Variants in RPS6KC1 observed in about 807,000 individuals in gnomAD.
RPS6KC1 encodes the protein inactive ribosomal protein S6 kinase delta-1.
Under a neutral mutation model 103.8 loss-of-function variants are expected in RPS6KC1, and 54 were observed. The ratio of observed to expected loss-of-function variants is 0.52; its 90% CI spans 0.42 to 0.65. The LOEUF (loss-of-function observed/expected upper bound fraction) is 0.65, where lower values mean the gene tolerates loss of function less well. Ranked by LOEUF, RPS6KC1 falls within the 30% of genes least tolerant of loss-of-function variation. The probability of loss-of-function intolerance (pLI) is 0.00; values close to 1 mark genes in which losing one functional copy is unlikely to be tolerated. For synonymous variants in RPS6KC1, 439 were observed against 438.7 expected, an observed-to-expected ratio of 1.00 and a Z score of -0.01; for missense variants, 1,151 against 1,253.8, an observed-to-expected ratio of 0.92 and a Z score of 1.24.
At chr1:213,243,100 A>G (rs886465536) in intron 12 of RPS6KC1, among the ~76,000 whole-genome samples, 1 of 151,964 alleles carries the variant, frequency 6.6e-6, no homozygotes, top group African/African-American at 2.4e-5. Flanking sequence ...GGGCTCAGGC[A>G]GTCCTGTTGC....
At chr1:213,545,411 T>TAAATAAAATAAAATA in the RPS6KC1 span, among the ~76,000 whole-genome samples, 3 of 75,296 alleles carry the variant, frequency 4.0e-5, no homozygotes, top group African/African-American at 1.2e-4. Context: ...AATAAATAAA[T>TAAATAAAATAAAATA]AAATAAAATA....
At chr1:213,397,313 C>A in the RPS6KC1 span, among the ~76,000 whole-genome samples, 1 of 152,016 alleles carries the variant, frequency 6.6e-6, no homozygotes, top group Non-Finnish European at 1.5e-5. Context: ...ATTCTGCTTT[C>A]TTTTTTAAAA....
chr1:213,724,616 T>A, the RPS6KC1 span, among the ~76,000 whole-genome samples: 1 of 152,184 alleles, frequency 6.6e-6, no homozygotes, highest in African/African-American at 2.4e-5. Flanking sequence ...CCTGACAGTT[T>A]GAGCCAGGTA....
chr1:213,646,076 GCATAA>G, the RPS6KC1 span, among the ~76,000 whole-genome samples: 1 of 152,198 alleles, frequency 6.6e-6, no homozygotes, highest in Non-Finnish European at 1.5e-5. Flanking sequence ...AGCGTGTAAA[GCATAA>G]CATAAAATGT....
chr1:213,474,021 C>T, the RPS6KC1 span, among the ~76,000 whole-genome samples: 2 of 152,318 alleles, frequency 1.3e-5, no homozygotes, highest in East Asian at 1.9e-4. Flanking sequence ...TTCCCTCTCT[C>T]TCCTTAAGGA....
chr1:213,280,371 A>G, the RPS6KC1 span, among the ~76,000 whole-genome samples: 1 of 152,224 alleles, frequency 6.6e-6, no homozygotes, highest in African/African-American at 2.4e-5. Context: ...AATTATAGTT[A>G]TAATTCCTTT....
chr1:213,650,726 T>C, the RPS6KC1 span, among the ~76,000 whole-genome samples: 3 of 152,100 alleles, frequency 2.0e-5, no homozygotes, highest in Non-Finnish European at 4.4e-5. Context: ...CCCCACCCCA[T>C]TCCATTTTTG....
At chr1:213,665,326 G>A in the RPS6KC1 span, among the ~76,000 whole-genome samples, 2 of 151,620 alleles carry the variant, frequency 1.3e-5, no homozygotes, top group Non-Finnish European at 2.9e-5. Flanking sequence ...ATTCAAATAA[G>A]CAATAAGGGA....
chr1:213,779,268 A>G, the RPS6KC1 span, among the ~76,000 whole-genome samples: 1 of 152,172 alleles, frequency 6.6e-6, no homozygotes, highest in Middle Eastern at 3.2e-3. Context: ...GAACACCTGG[A>G]GGAAAAACAA....
the RPS6KC1 span, among the ~76,000 whole-genome samples, chr1:213,754,974 C>G: frequency 6.6e-6 from 1 of 152,140 alleles, no homozygotes; most frequent in African/African-American, 2.4e-5. Context: ...ACTTTTTAAG[C>G]CACAGTGCAA....
chr1:213,802,301 A>G, the RPS6KC1 span, among the ~76,000 whole-genome samples: 2 of 152,222 alleles, frequency 1.3e-5, no homozygotes. Flanking sequence ...ACCTATTTGA[A>G]TCACCTCCTA....
the RPS6KC1 span, among the ~76,000 whole-genome samples, chr1:213,297,843 A>G: frequency 5.3e-5 from 8 of 152,166 alleles, no homozygotes; most frequent in African/African-American, 7.2e-5. Context: ...GGCTAGTCTC[A>G]AACTCCTGGC....
intron 6 of RPS6KC1, among the ~76,000 whole-genome samples, chr1:213,149,342 G>A (rs1314766390): frequency 6.6e-6 from 1 of 152,086 alleles, no homozygotes; most frequent in Non-Finnish European, 1.5e-5. Context: ...GTTTTGGGAT[G>A]TTGTGTTTCC....
intron 5 of RPS6KC1, among the ~76,000 whole-genome samples, chr1:213,119,477 T>C (rs2084122037): frequency 3.3e-5 from 1 of 30,288 alleles, no homozygotes; most frequent in African/African-American, 8.6e-5. Context: ...TATATATATA[T>C]ATATATATAT....
intron 8 of RPS6KC1, among the ~76,000 whole-genome samples, chr1:213,185,857 A>G (rs905588231): frequency 6.8e-6 from 1 of 147,604 alleles, no homozygotes; most frequent in African/African-American, 2.5e-5. Context: ...GTAGCTTTTT[A>G]TTTTAGGGAG....
chr1:213,751,275 G>C, the RPS6KC1 span, among the ~76,000 whole-genome samples: 4 of 152,048 alleles, frequency 2.6e-5, no homozygotes. Context: ...TGCACAGAGT[G>C]TGTTACGTTG....
chr1:213,832,332 C>T, the RPS6KC1 span, among the ~76,000 whole-genome samples: 1 of 152,136 alleles, frequency 6.6e-6, no homozygotes, highest in African/African-American at 2.4e-5. Flanking sequence ...GCCATAAGAC[C>T]CCACGTCATA....
At chr1:213,543,306 C>T in the RPS6KC1 span, among the ~76,000 whole-genome samples, 4 of 152,222 alleles carry the variant, frequency 2.6e-5, no homozygotes, top group South Asian at 2.1e-4. Flanking sequence ...GCCAGCGGCA[C>T]GGAGTCCTTT....
chr1:213,637,783 A>G, the RPS6KC1 span, among the ~76,000 whole-genome samples: 1 of 152,098 alleles, frequency 6.6e-6, no homozygotes, highest in East Asian at 1.9e-4. Flanking sequence ...TCTAATAAGC[A>G]TGTAGTGGTA....
Sources: allele counts gnomAD v4.1 joint callset (sites outside exome capture counted in the v4.1 genomes callset), GRCh38; gene constraint gnomAD v4.1.1; transcripts MANE v1.5; gene names NCBI Gene and HGNC (gene_info 2026-07-23, HGNC 2026-07-21).